The following KLHL2 variants were observed in gnomAD, a reference collection of about 807,000 sequenced individuals.
KLHL2 encodes the protein kelch like family member 2.
Under a neutral mutation model 75.8 loss-of-function variants are expected in KLHL2, and 15 were observed. That is an observed-to-expected ratio of 0.20 (90% CI 0.13 to 0.30). The LOEUF (loss-of-function observed/expected upper bound fraction) is 0.30, where lower values mean the gene tolerates loss of function less well. Ranked by LOEUF, KLHL2 falls within the 10% of genes least tolerant of loss-of-function variation. KLHL2 has a pLI of 1.00. For synonymous variants in KLHL2, 214 were observed against 251.9 expected (o/e 0.85, Z 1.42); for missense variants, 381 against 741.0 (o/e 0.51, Z 5.64).
At chr4:165,300,148 G>A (rs939995793) in intron 8 of KLHL2, among the ~76,000 whole-genome samples, 3 of 152,006 alleles carry the variant, frequency 2.0e-5, no homozygotes, top group Admixed American at 6.6e-5. Flanking sequence ...AATTAGCCAC[G>A]TGTGGTGGCA....
At chr4:165,231,030 A>G (rs1344630461) in intron 3 of KLHL2, among the ~76,000 whole-genome samples, 2 of 152,210 alleles carry the variant, frequency 1.3e-5, no homozygotes, top group Non-Finnish European at 2.9e-5. Context: ...CAAATTTTAG[A>G]TTGCTATGCG....
At chr4:165,211,090 C>T (rs2110935389) in intron 1 of KLHL2, among the ~76,000 whole-genome samples, 1 of 152,204 alleles carries the variant, frequency 6.6e-6, no homozygotes, top group Non-Finnish European at 1.5e-5. Context: ...TGACCATGTT[C>T]TAAGGCATTT....
chr4:165,266,278 C>G (rs1288795382), intron 5 of KLHL2, among the ~76,000 whole-genome samples: 1 of 152,164 alleles, frequency 6.6e-6, no homozygotes, highest in African/African-American at 2.4e-5. Flanking sequence ...GTTGCCTCTT[C>G]ACTCTGATGA....
At chr4:165,317,635 G>C (rs556106299) in intron 13 of KLHL2, among the ~76,000 whole-genome samples, 191 bp from the exon 14 acceptor site, 2 of 152,302 alleles carry the variant, frequency 1.3e-5, no homozygotes, top group Admixed American at 1.3e-4. Context: ...AAAGTGCTGG[G>C]ATTACAGGCG....
intron 5 of KLHL2, among the ~76,000 whole-genome samples, chr4:165,287,009 T>C (rs1744144775): frequency 6.6e-6 from 1 of 152,222 alleles, no homozygotes; most frequent in African/African-American, 2.4e-5. Context: ...TTAAGGAACA[T>C]ATAACATGAA....
chr4:165,281,159 G>T (rs1743638955), intron 5 of KLHL2, among the ~76,000 whole-genome samples: 1 of 152,050 alleles, frequency 6.6e-6, no homozygotes, highest in African/African-American at 2.4e-5. Context: ...TGTTCAAAAA[G>T]GTGCTTGGTG....
chr4:165,240,477 A>G (rs890117001), intron 4 of KLHL2: 5 of 152,134 alleles, frequency 3.3e-5, no homozygotes, highest in Non-Finnish European at 7.4e-5. Context: ...AAGGCATTTG[A>G]AAAACCTTGG....
intron 4 of KLHL2, among the ~76,000 whole-genome samples, chr4:165,239,676 C>T (rs1280361243): frequency 6.6e-6 from 1 of 152,178 alleles, no homozygotes; most frequent in Non-Finnish European, 1.5e-5. Flanking sequence ...ATGTGTGTTA[C>T]ATAAATGTTT....
intron 1 of KLHL2, chr4:165,208,424 TGTGACCTCTTTTACCTG>T (rs1489462943): frequency 6.6e-6 from 1 of 152,242 alleles, no homozygotes; most frequent in Non-Finnish European, 1.5e-5. Context: ...GTTCAGGGCA[TGTGACCTCTTTTACCTG>T]GCACTGCAGA....
chr4:165,252,818 T>A (rs1197992657), intron 4 of KLHL2, among the ~76,000 whole-genome samples: 2 of 152,224 alleles, frequency 1.3e-5, no homozygotes, highest in African/African-American at 4.8e-5. Flanking sequence ...ATTTTCTATT[T>A]GAAAATTTAT....
chr4:165,239,422 A>G (rs1168904730), intron 4 of KLHL2, among the ~76,000 whole-genome samples: 1 of 152,016 alleles, frequency 6.6e-6, no homozygotes, highest in Non-Finnish European at 1.5e-5. Context: ...GTGTGCCACT[A>G]TGCCCAGCTA....
rs1579074626 is a variant in KLHL2, at chr4:165,265,024, C to A, written c.544+1665C>A. ...TATAAGCGTTCCCGTTTCACCACATCCACACCAACATCTATTGTTTTTTCA... is the reference window on the plus strand; with the variant it reads ...TATAAGCGTTCCCGTTTCACCACATACACACCAACATCTATTGTTTTTTCA... On this transcript the variant is annotated intron_variant, in intron 5 of 14. Coordinates refer to ENST00000226725, the MANE Select transcript of KLHL2 (RefSeq NM_007246.4). Among the ~76,000 whole-genome samples, 9 of 151,954 alleles carry A rather than the reference C, an allele frequency of 5.9e-5. No individual in the cohort carries two copies. In the South Asian group the frequency reaches 1.9e-3, roughly 32 times the overall value.
At chr4:165,278,177 T>G (rs1743305495) in intron 5 of KLHL2, 1 of 1,361,226 alleles carries the variant, frequency 7.3e-7, no homozygotes, top group Non-Finnish European at 1.1e-6. Flanking sequence ...AGCATTAATC[T>G]GAGGTTCAAA....
intron 5 of KLHL2, chr4:165,277,994 C>T (rs148504057): frequency 0.016 from 22,077 of 1,367,724 alleles, 192 homozygotes; most frequent in Non-Finnish European, 0.018. Context: ...TTATGGAATA[C>T]CTGAGATGTA....
chr4:165,308,853 C>T (rs1745935235), intron 9 of KLHL2, among the ~76,000 whole-genome samples: 1 of 152,122 alleles, frequency 6.6e-6, no homozygotes, highest in Non-Finnish European at 1.5e-5. Flanking sequence ...CTTAGGATGT[C>T]TGTTAAATTC....
At chr4:165,310,132 T>G (rs1192523556) in intron 9 of KLHL2, among the ~76,000 whole-genome samples, 1 of 152,072 alleles carries the variant, frequency 6.6e-6, no homozygotes, top group African/African-American at 2.4e-5. Context: ...GGTCAGGAGA[T>G]CAAGACCACA....
At chr4:165,260,046 T>A (rs62353287) in intron 4 of KLHL2, among the ~76,000 whole-genome samples, 38,815 of 152,100 alleles carry the variant, frequency 0.26, 6,158 homozygotes, top group South Asian at 0.45. Context: ...GCACCCAAAA[T>A]AAGCTAGGAG....
chr4:165,261,885 A>T (rs1741703346), intron 4 of KLHL2, among the ~76,000 whole-genome samples: 1 of 152,192 alleles, frequency 6.6e-6, no homozygotes, highest in Non-Finnish European at 1.5e-5. Flanking sequence ...AGTGTGGCAT[A>T]TATGAAAGTC....
intron 2 of KLHL2, among the ~76,000 whole-genome samples, chr4:165,227,397 T>G (rs1738522112): frequency 6.6e-6 from 1 of 152,208 alleles, no homozygotes. Flanking sequence ...GCATGAACTT[T>G]ATGGGAACAA....
Sources: gnomAD v4.1 joint callset for allele counts (sites outside exome capture counted in the v4.1 genomes callset) on GRCh38, gnomAD v4.1.1 for gene constraint, MANE v1.5 for transcripts, NCBI Gene and HGNC (gene_info 2026-07-23, HGNC 2026-07-21) for gene names.